The following IGF2BP2 variants were observed in gnomAD, a reference collection of about 807,000 sequenced individuals.
IGF2BP2 encodes the protein insulin like growth factor 2 mRNA binding protein 2.
In IGF2BP2, 17 loss-of-function variants were observed where a neutral mutation model predicts 75.8. That is an observed-to-expected ratio of 0.22 (90% confidence interval 0.15 to 0.34). IGF2BP2 has a LOEUF of 0.34. Ranked by LOEUF, IGF2BP2 falls within the 10% of genes least tolerant of loss-of-function variation. The pLI, the probability that IGF2BP2 is intolerant of heterozygous loss-of-function variation, is 1.00. For missense variants in IGF2BP2, 516 were observed against 772.4 expected, an observed-to-expected ratio of 0.67 and a Z score of 3.93; for synonymous variants, 288 against 295.6, an observed-to-expected ratio of 0.97 and a Z score of 0.26.
intron 9 of IGF2BP2, 152 bp from the exon 10 acceptor site, chr3:185,672,821 C>T: frequency 1.3e-6 from 1 of 750,342 alleles, no homozygotes; most frequent in African/African-American, 1.8e-5. Context: ...GTGGGTGCCA[C>T]ATCTTAACCT....
chr3:185,728,069 A>G lies in IGF2BP2; in HGVS notation c.240-29722T>C, dbSNP rs190776095. Among the ~76,000 whole-genome samples, 8 of 152,340 alleles carry G rather than the reference A, an allele frequency of 5.3e-5. No individual in the cohort carries two copies. The East Asian group carries it at 1.5e-3, about 29-fold the overall frequency. Reference sequence around the variant, plus strand: ...AGCTGGAGAATGCATAGGGAGGGGCACTTCCGTTACGTATACCTGAACTAT... The same window carrying G: ...AGCTGGAGAATGCATAGGGAGGGGCGCTTCCGTTACGTATACCTGAACTAT... On this transcript the variant is annotated intron_variant, in intron 2 of 15. Transcript: ENST00000382199.
At chr3:185,655,625 C>T (rs1274863883) in intron 12 of IGF2BP2, among the ~76,000 whole-genome samples, 1 of 152,186 alleles carries the variant, frequency 6.6e-6, no homozygotes, top group Non-Finnish European at 1.5e-5. Context: ...CTGTCTTTGC[C>T]CATCACAGAG....
intron 15 of IGF2BP2, chr3:185,646,824 G>A (rs763401455): frequency 1.4e-5 from 8 of 591,972 alleles, no homozygotes; most frequent in South Asian, 4.0e-5. Flanking sequence ...TACATACCTC[G>A]GGGATGACAG....
intron 8 of IGF2BP2, 135 bp downstream of exon 8, chr3:185,675,656 T>C: frequency 8.1e-7 from 1 of 1,237,706 alleles, no homozygotes; most frequent in Non-Finnish European, 1.1e-6. Context: ...TGTATTTTTT[T>C]AAAAGATGAT....
chr3:185,824,700 C>A, intron 1 of IGF2BP2, 83 bp downstream of exon 1: 1 of 1,105,626 alleles, frequency 9.0e-7, no homozygotes, highest in Non-Finnish European at 1.2e-6. Context: ...CCGGGCGCCG[C>A]CCGCCGGACT....
intron 12 of IGF2BP2, 41 bp from the exon 13 acceptor site, chr3:185,652,209 A>G (rs1181615472): frequency 1.3e-6 from 2 of 1,538,888 alleles, no homozygotes; most frequent in Non-Finnish European, 1.8e-6. Flanking sequence ...GCTCGGCTGC[A>G]TTCCCCAGCC....
chr3:185,714,928 C>G (rs1725365308), intron 2 of IGF2BP2, among the ~76,000 whole-genome samples: 1 of 152,182 alleles, frequency 6.6e-6, no homozygotes, highest in African/African-American at 2.4e-5. Context: ...CCTTACCAAG[C>G]ATTTACTATG....
At position 185,816,701 on chromosome 3, in the gene IGF2BP2, T is replaced by C. The variant is rs184836447; in HGVS notation, c.239+6452A>G. Among the ~76,000 whole-genome samples, 793 of 152,306 alleles carry C rather than the reference T, an allele frequency of 5.2e-3. 1 individual carries two copies. The highest frequency in any genetic ancestry group is 8.9e-3 in the Non-Finnish European group (604 of 68,018). On this transcript the variant is annotated intron_variant, in intron 2 of 15. Transcript: ENST00000382199. ...CATCCAAAAAAAGAGATAGTATCAA[T>C]TGTCCTATTTTTCACAAAATTATTA...
intron 2 of IGF2BP2, among the ~76,000 whole-genome samples, chr3:185,783,517 A>T (rs897023117): frequency 6.6e-6 from 1 of 152,216 alleles, no homozygotes; most frequent in African/African-American, 2.4e-5. Context: ...TAAACCAGGG[A>T]AAGTCTATGA....
chr3:185,659,321 G>T (rs1184296599), intron 10 of IGF2BP2, among the ~76,000 whole-genome samples: 1 of 152,032 alleles, frequency 6.6e-6, no homozygotes, highest in Non-Finnish European at 1.5e-5. Context: ...GATATGGACA[G>T]AAAAAAAGTA....
At chr3:185,668,657 T>C (rs1433385488) in intron 10 of IGF2BP2, among the ~76,000 whole-genome samples, 2 of 151,266 alleles carry the variant, frequency 1.3e-5, no homozygotes, top group Non-Finnish European at 2.9e-5. Flanking sequence ...TAATTATTTA[T>C]GACATAAGAC....
intron 7 of IGF2BP2, among the ~76,000 whole-genome samples, chr3:185,685,791 A>G (rs1721038456): frequency 6.6e-6 from 1 of 152,120 alleles, no homozygotes; most frequent in Non-Finnish European, 1.5e-5. Context: ...ACAGGTATAC[A>G]CCACCATGTC....
intron 2 of IGF2BP2, among the ~76,000 whole-genome samples, chr3:185,706,933 G>T (rs543236425): frequency 1.3e-4 from 19 of 151,746 alleles, no homozygotes; most frequent in African/African-American, 4.6e-4. Context: ...TTAGAGACAG[G>T]GTTTCTCCAT....
intron 2 of IGF2BP2, among the ~76,000 whole-genome samples, chr3:185,704,128 A>G (rs1321284149): frequency 6.6e-6 from 1 of 152,130 alleles, no homozygotes; most frequent in Non-Finnish European, 1.5e-5. Flanking sequence ...TTTCCACAAC[A>G]TTTCTGAGCT....
At chr3:185,677,064 TATATAGAGAG>T (rs1319286964) in intron 7 of IGF2BP2, among the ~76,000 whole-genome samples, 7 of 45,766 alleles carry the variant, frequency 1.5e-4, no homozygotes, top group Admixed American at 2.4e-4. Context: ...TATATATATA[TATATAGAGAG>T]AGAGAGAGAG....
intron 2 of IGF2BP2, among the ~76,000 whole-genome samples, chr3:185,759,953 C>A (rs933407563): frequency 6.6e-6 from 1 of 152,184 alleles, no homozygotes; most frequent in African/African-American, 2.4e-5. Flanking sequence ...CTATACCATA[C>A]CCACTGGATT....
intron 2 of IGF2BP2, among the ~76,000 whole-genome samples, chr3:185,743,930 C>T (rs990305816): frequency 6.6e-5 from 10 of 152,144 alleles, no homozygotes; most frequent in Admixed American, 3.9e-4. Flanking sequence ...CCAGTCAGTC[C>T]TAGCAGTTCT....
In IGF2BP2 at chr3:185,743,118, A is replaced by T. The variant is rs1215356701; in HGVS notation, c.240-44771T>A. 2.6e-5 allele frequency among the ~76,000 whole-genome samples: 4 copies of T among 152,056 alleles called. 1 individual carries two copies. The highest frequency in any genetic ancestry group is 5.9e-5 in the Non-Finnish European group (4 of 68,028). On this transcript the variant is annotated intron_variant, in intron 2 of 15. Transcript: ENST00000382199. ...CGTCTTAATAAATAAACAAACAAAC[A>T]AACTGCATTGCACAATATAAAGGCA...
intron 2 of IGF2BP2, among the ~76,000 whole-genome samples, chr3:185,723,825 G>C (rs775047798): frequency 6.6e-6 from 1 of 152,158 alleles, no homozygotes; most frequent in Non-Finnish European, 1.5e-5. Flanking sequence ...CTAGCCTTGA[G>C]GGAGGGTGTA....
Sources: gnomAD v4.1 joint callset for allele counts (sites outside exome capture counted in the v4.1 genomes callset) on GRCh38, gnomAD v4.1.1 for gene constraint, MANE v1.5 for transcripts, NCBI Gene and HGNC (gene_info 2026-07-23, HGNC 2026-07-21) for gene names.